The following CD3G variants were observed in gnomAD, a reference collection of about 807,000 sequenced individuals.
CD3G encodes CD3 gamma subunit of T-cell receptor complex, also known as T-cell surface glycoprotein CD3 gamma chain.
Under a neutral mutation model 28.3 loss-of-function variants are expected in CD3G, and 24 were observed. That is an observed-to-expected ratio of 0.85 (90% CI 0.61 to 1.19). CD3G has a LOEUF of 1.19. Among genes scored for constraint, CD3G ranks in the 50% most tolerant of loss-of-function variants. The pLI is 0.00. For synonymous variants in CD3G, 71 were observed against 75.9 expected, an observed-to-expected ratio of 0.93 and a Z score of 0.34; for missense variants, 211 against 210.0, an observed-to-expected ratio of 1.00 and a Z score of -0.03.
At position 118,349,973 on chromosome 11, in the gene CD3G, A is replaced by G; in HGVS notation, c.307+3A>G. ...ACCACTCCAAGTGTATTACAGAAGT[A>G]TGTAATCCCCTTTGGTCTGTTTGTT... On this transcript the variant is annotated splice_donor_region_variant and intron_variant, in intron 3 of 6. Transcript: ENST00000532917. The G allele has an allele frequency of 2.5e-6, 4 of 1,595,612 alleles. No individual in the cohort carries two copies. The highest frequency in any genetic ancestry group is 3.4e-6 in the Non-Finnish European group (4 of 1,163,286).
chr11:118,346,585 G>C (rs1053821889), intron 1 of CD3G, among the ~76,000 whole-genome samples: 1 of 152,166 alleles, frequency 6.6e-6, no homozygotes, highest in South Asian at 2.1e-4. Flanking sequence ...GGAGGCTAGG[G>C]AGGGAGGATC....
intron 1 of CD3G, 35 bp downstream of exon 1, chr11:118,344,513 A>G (rs200933474): frequency 2.0e-6 from 3 of 1,516,810 alleles, no homozygotes; most frequent in South Asian, 2.4e-5. Flanking sequence ...AGCCTGGGGA[A>G]GGGCTCAAGG....
chr11:118,351,790 G>A (rs891900368), intron 5 of CD3G, 119 bp downstream of exon 5: 1 of 862,388 alleles, frequency 1.2e-6, no homozygotes, highest in African/African-American at 1.7e-5. Context: ...CAGCATACCA[G>A]ATGATGAGAT....
intron 1 of CD3G, 77 bp from the exon 2 acceptor site, chr11:118,348,950 A>T (rs947171729): frequency 1.2e-5 from 18 of 1,525,636 alleles, no homozygotes; most frequent in African/African-American, 1.4e-5. Flanking sequence ...TTGGCCTCAA[A>T]TAACCATGGA....
chr11:118,354,677 T>G lies in CD3G; in HGVS notation c.*1577T>G, dbSNP rs1948436180. 1 of 152,076 alleles carries G rather than the reference T, an allele frequency of 6.6e-6. No homozygotes were observed. Among genetic ancestry groups the G allele is most frequent in the Non-Finnish European group, 1.5e-5 (1 of 68,020 alleles). The allele number at this position is 152,076 out of a possible 1,614,324, so 9.4% of individuals were successfully genotyped here. On this transcript the variant is annotated 3_prime_UTR_variant, in exon 7 of 7. Transcript: ENST00000532917. ...TAGCCATTCTATGGATTTAATATGG[T>G]ATTTTATTATGGCCTTAATTTGCAT...
At chr11:118,345,194 G>T (rs1203485739) in intron 1 of CD3G, among the ~76,000 whole-genome samples, 7 of 151,948 alleles carry the variant, frequency 4.6e-5, no homozygotes, top group Admixed American at 4.6e-4. Context: ...AATTTTAAGG[G>T]GCAGTTAGAG....
At chr11:118,345,821 C>G in intron 1 of CD3G, among the ~76,000 whole-genome samples, 1 of 152,262 alleles carries the variant, frequency 6.6e-6, no homozygotes, top group Non-Finnish European at 1.5e-5. Context: ...TAACAACTTC[C>G]GTGTTCTAAA....
intron 4 of CD3G, 44 bp downstream of exon 4, chr11:118,350,727 C>T (rs766721828): frequency 1.9e-6 from 3 of 1,612,784 alleles, no homozygotes; most frequent in Non-Finnish European, 8.5e-7. Flanking sequence ...ACCTGAGACC[C>T]TCAGCTTTCC....
rs1411479750 is a variant in CD3G, at chr11:118,349,726, G to A, written c.80-17G>A. On this transcript the variant is annotated splice_polypyrimidine_tract_variant and intron_variant, in intron 2 of 6. Transcript: ENST00000532917. Reference sequence around the variant, plus strand: ...GAGGCAAGATCCTTAATAGAACCACGGCTTTTCTCATTTCAGGAAACCACT... The same window carrying A: ...GAGGCAAGATCCTTAATAGAACCACAGCTTTTCTCATTTCAGGAAACCACT... 1.1e-5 allele frequency: 18 copies of A among 1,584,556 alleles called. No homozygotes were observed. The highest frequency in any genetic ancestry group is 6.7e-5 in the East Asian group (3 of 44,700).
intron 1 of CD3G, among the ~76,000 whole-genome samples, chr11:118,347,954 T>C (rs907530857): frequency 1.1e-4 from 17 of 152,268 alleles, no homozygotes; most frequent in African/African-American, 3.9e-4. Context: ...TGAGGACTAA[T>C]TGAAAAGCTA....
At chr11:118,344,578 C>T (rs1948338080) in intron 1 of CD3G, 100 bp downstream of exon 1, 5 of 1,014,576 alleles carry the variant, frequency 4.9e-6, no homozygotes, top group Admixed American at 2.0e-5. Flanking sequence ...CTTCAGCCTA[C>T]CTCTGCTGTC....
In CD3G at chr11:118,347,582, AAT is replaced by A. The variant is rs1948368544; in HGVS notation, c.56-1442_56-1441del. 2.0e-5 allele frequency among the ~76,000 whole-genome samples: 3 copies of A among 152,270 alleles called. No individual in the cohort carries two copies. The South Asian group carries it at 6.2e-4, about 32-fold the overall frequency. On this transcript the variant is annotated intron_variant, in intron 1 of 6. Transcript: ENST00000532917. The stretch of plus-strand genomic sequence containing the variant: ...TTGAATTCAAGTGCCAGATCTCTGT[AAT>A]ATGTCTACCATGCAACTCTACTACC...
chr11:118,354,304 CTTTTT>C lies in CD3G; in HGVS notation c.*1216_*1220del. The C allele has an allele frequency of 8.1e-6, 1 of 122,828 alleles. No individual in the cohort carries two copies. The highest frequency in any genetic ancestry group is 1.7e-5 in the Non-Finnish European group (1 of 59,150). The allele number at this position is 122,828 out of a possible 1,614,324, so 7.6% of individuals were successfully genotyped here. A position where few individuals can be genotyped will look rare whatever the true frequency, so the allele number is the denominator to read the frequency against. On this transcript the variant is annotated 3_prime_UTR_variant, in exon 7 of 7. Coordinates refer to ENST00000532917, the MANE Select transcript of CD3G (RefSeq NM_000073.3). ...TTTTTTCTTTTCTTTTCTTTTTTTT[CTTTTT>C]TTTTTTTTTTTGAAGTGGAATCTTG...
intron 5 of CD3G, 114 bp downstream of exon 5, chr11:118,351,785 T>C: frequency 1.1e-6 from 1 of 899,128 alleles, no homozygotes; most frequent in East Asian, 2.4e-5. Context: ...GCTAACAGCA[T>C]ACCAGATGAT....
At chr11:118,346,900 G>A (rs932725878) in intron 1 of CD3G, among the ~76,000 whole-genome samples, 2 of 151,314 alleles carry the variant, frequency 1.3e-5, no homozygotes, top group African/African-American at 4.9e-5. Flanking sequence ...AGGGGTCTCT[G>A]TCTTCTCTCG....
At chr11:118,348,457 G>T (rs1441541166) in intron 1 of CD3G, among the ~76,000 whole-genome samples, 1 of 152,088 alleles carries the variant, frequency 6.6e-6, no homozygotes, top group Non-Finnish European at 1.5e-5. Flanking sequence ...CAGAGCCTCC[G>T]TGCCCTCTCC....
In CD3G at chr11:118,351,660, C is replaced by CAGCT; in HGVS notation, c.473_476dup (p.Tyr160AlafsTer11). On this transcript the variant is annotated frameshift_variant, in exon 5 of 7. Coordinates refer to ENST00000532917, the MANE Select transcript of CD3G (RefSeq NM_000073.3). LOFTEE classifies it high-confidence loss of function. Reference sequence around the variant, plus strand: ...CAAGCAGACTCTGTTGCCCAATGACCAGCTCTACCAGGTAAGGGGATGAAG... The same window carrying CAGCT: ...CAAGCAGACTCTGTTGCCCAATGACCAGCTAGCTCTACCAGGTAAGGGGATGAAG... 1 of 1,613,906 alleles carries CAGCT rather than the reference C, an allele frequency of 6.2e-7. No individual in the cohort carries two copies. Among genetic ancestry groups the CAGCT allele is most frequent in the Non-Finnish European group, 8.5e-7 (1 of 1,179,908 alleles).
At chr11:118,346,958 A>T (rs571838337) in intron 1 of CD3G, among the ~76,000 whole-genome samples, 5 of 152,170 alleles carry the variant, frequency 3.3e-5, no homozygotes, top group African/African-American at 1.2e-4. Context: ...AAACCTCTTT[A>T]ACTGTTTGTC....
intron 6 of CD3G, among the ~76,000 whole-genome samples, 157 bp from the exon 7 acceptor site, chr11:118,352,962 T>A (rs1471643742): frequency 6.6e-6 from 1 of 152,216 alleles, no homozygotes; most frequent in African/African-American, 2.4e-5. Flanking sequence ...AAAATCACCC[T>A]TAGTTAAGAA....
Sources: gnomAD v4.1 joint callset for allele counts (sites outside exome capture counted in the v4.1 genomes callset) on GRCh38, gnomAD v4.1.1 for gene constraint, MANE v1.5 for transcripts, NCBI Gene and HGNC (gene_info 2026-07-23, HGNC 2026-07-21) for gene names.